Variants in TTC29 observed in about 807,000 individuals in gnomAD.
TTC29 encodes tetratricopeptide repeat protein 29.
TTC29 carries 49 observed loss-of-function variants against 58.1 expected under a neutral mutation model. That is an observed-to-expected ratio of 0.84 (90% CI 0.67 to 1.07). The LOEUF is 1.07. Among genes scored for constraint, TTC29 ranks in the 50% least tolerant of loss-of-function variants. The pLI, the probability that TTC29 is intolerant of heterozygous loss-of-function variation, is 0.00. For missense variants in TTC29, 582 were observed against 555.6 expected, an observed-to-expected ratio of 1.05 and a Z score of -0.48; for synonymous variants, 209 against 196.8, an observed-to-expected ratio of 1.06 and a Z score of -0.52.
At chr4:146,710,858 C>T (rs1319526048) in intron 11 of TTC29, among the ~76,000 whole-genome samples, 1 of 152,042 alleles carries the variant, frequency 6.6e-6, no homozygotes, top group African/African-American at 2.4e-5. Context: ...CTATACGTTA[C>T]AAAAGCAATA....
At chr4:146,934,249 T>G (rs1175848511) in intron 4 of TTC29, 1 of 152,180 alleles carries the variant, frequency 6.6e-6, no homozygotes, top group Non-Finnish European at 1.5e-5. Context: ...AGCTCTGCAA[T>G]GAAGACCAGG....
At chr4:146,785,158 T>C (rs1312515057) in intron 11 of TTC29, among the ~76,000 whole-genome samples, 1 of 151,926 alleles carries the variant, frequency 6.6e-6, no homozygotes, top group Non-Finnish European at 1.5e-5. Context: ...AGCTATTGTT[T>C]ATTAATGTAA....
At chr4:146,933,936 G>A (rs891265790) in intron 4 of TTC29, 5 of 152,122 alleles carry the variant, frequency 3.3e-5, no homozygotes, top group African/African-American at 7.2e-5. Flanking sequence ...GTCAAGAAAC[G>A]GCTCACTGTG....
rs771683780 is a variant in TTC29, at chr4:146,867,728, GA to G, written c.800-146del. ...AATCCCCAAAACCTAGCTATATACT[GA>G]AAAAAAAAGGCTGATGTAAACACAA... is the stretch of plus-strand genomic sequence containing the variant. On this transcript the variant is annotated intron_variant, in intron 7 of 12. Transcript: ENST00000325106. 354 of 423,916 alleles carry G rather than the reference GA, an allele frequency of 8.4e-4. 2 individuals are homozygous for G. Among genetic ancestry groups the G allele is most frequent in the African/African-American group, 2.9e-3 (136 of 47,330 alleles). 26.3% of individuals were successfully genotyped at this position (423,916 alleles called of 1,614,324 possible). A position where few individuals can be genotyped will look rare whatever the true frequency, so the allele number is the denominator to read the frequency against.
chr4:146,890,784 G>A (rs1269986036), intron 6 of TTC29, among the ~76,000 whole-genome samples: 5 of 152,200 alleles, frequency 3.3e-5, no homozygotes, highest in Admixed American at 3.3e-4. Flanking sequence ...TGCTCCAGAA[G>A]CCAGAAAGTT....
At chr4:146,849,370 T>G (rs1391801143) in intron 8 of TTC29, among the ~76,000 whole-genome samples, 2 of 152,162 alleles carry the variant, frequency 1.3e-5, no homozygotes, top group Non-Finnish European at 2.9e-5. Context: ...TCTTCAGCAC[T>G]GTGATAGGCT....
At chr4:146,812,477 T>C (rs1032844719) in intron 10 of TTC29, among the ~76,000 whole-genome samples, 6 of 152,216 alleles carry the variant, frequency 3.9e-5, no homozygotes, top group African/African-American at 1.2e-4. Context: ...TAAATGGAGT[T>C]TCCACTCAAG....
intron 11 of TTC29, among the ~76,000 whole-genome samples, chr4:146,797,601 T>C: frequency 6.6e-6 from 1 of 150,946 alleles, no homozygotes; most frequent in East Asian, 1.9e-4. Context: ...AAGATCTTTC[T>C]GGTTTTTTTT....
In TTC29 at chr4:146,822,120, T is replaced by TA. The variant is rs1239188428; in HGVS notation, c.978-1873_978-1872insT. ...TTGCAAGTTCAGAAAGTATTTTCTT[T>TA]TAAAAAAAAAAAAAAGGGATACATG... On this transcript the variant is annotated intron_variant, in intron 9 of 12. Coordinates refer to ENST00000325106, the MANE Select transcript of TTC29 (RefSeq NM_031956.4). Among the ~76,000 whole-genome samples the TA allele has an allele frequency of 1.2e-4, 17 of 143,794 alleles. No homozygotes were observed. In the South Asian group the frequency reaches 2.0e-3, roughly 17 times the overall value. The allele number at this position is 143,794 out of a possible 152,430, so 94.3% of individuals were successfully genotyped here.
chr4:146,854,969 T>C (rs1164013092), intron 8 of TTC29, among the ~76,000 whole-genome samples: 2 of 152,178 alleles, frequency 1.3e-5, no homozygotes, highest in African/African-American at 4.8e-5. Flanking sequence ...TCTCTTTTTC[T>C]ATTCTCGGCC....
At chr4:146,928,966 C>A (rs1367081403) in intron 4 of TTC29, among the ~76,000 whole-genome samples, 1 of 151,936 alleles carries the variant, frequency 6.6e-6, no homozygotes, top group African/African-American at 2.4e-5. Flanking sequence ...CCCTTAGGAA[C>A]AATGTGAAGG....
At chr4:146,808,601 C>T (rs952957904) in intron 10 of TTC29, among the ~76,000 whole-genome samples, 1 of 152,122 alleles carries the variant, frequency 6.6e-6, no homozygotes, top group African/African-American at 2.4e-5. Flanking sequence ...CAATAACAGA[C>T]AGAGAGCCAA....
chr4:146,764,722 T>C (rs1445341398), intron 11 of TTC29, among the ~76,000 whole-genome samples: 2 of 152,042 alleles, frequency 1.3e-5, no homozygotes, highest in African/African-American at 2.4e-5. Context: ...AATAAAGGGA[T>C]CACTGCCAGA....
At chr4:146,887,193 A>G (rs1204232479) in intron 6 of TTC29, among the ~76,000 whole-genome samples, 1 of 152,168 alleles carries the variant, frequency 6.6e-6, no homozygotes, top group Non-Finnish European at 1.5e-5. Context: ...AAATCTTTTG[A>G]GGATAGATCT....
At chr4:146,754,313 G>T (rs916901519) in intron 11 of TTC29, among the ~76,000 whole-genome samples, 13 of 151,806 alleles carry the variant, frequency 8.6e-5, no homozygotes, top group Non-Finnish European at 7.4e-5. Context: ...ACAGAGATTT[G>T]GATATCTTTT....
intron 6 of TTC29, among the ~76,000 whole-genome samples, chr4:146,893,389 C>T (rs570154104): frequency 3.3e-5 from 5 of 152,264 alleles, no homozygotes; most frequent in East Asian, 3.9e-4. Context: ...TATCTACAAC[C>T]ATCTGATCTT....
chr4:146,799,359 T>G (rs1265823161), intron 11 of TTC29, among the ~76,000 whole-genome samples: 1 of 152,176 alleles, frequency 6.6e-6, no homozygotes, highest in Non-Finnish European at 1.5e-5. Flanking sequence ...TGAGGATCAC[T>G]AGTGAGTGTG....
intron 11 of TTC29, among the ~76,000 whole-genome samples, chr4:146,752,682 T>C (rs1172288848): frequency 1.3e-5 from 2 of 152,060 alleles, no homozygotes; most frequent in Non-Finnish European, 2.9e-5. Flanking sequence ...CAAAACAGCA[T>C]GGTACTGGTA....
At chr4:146,906,649 T>A (rs544059118) in intron 5 of TTC29, among the ~76,000 whole-genome samples, 1 of 152,326 alleles carries the variant, frequency 6.6e-6, no homozygotes, top group Non-Finnish European at 1.5e-5. Flanking sequence ...ATGTGTTGAA[T>A]GTGGAAAAAA....
Sources: gnomAD v4.1 joint callset for allele counts (sites outside exome capture counted in the v4.1 genomes callset) on GRCh38, gnomAD v4.1.1 for gene constraint, MANE v1.5 for transcripts, NCBI Gene and HGNC (gene_info 2026-07-23, HGNC 2026-07-21) for gene names.